The following UNC13C variants were observed in gnomAD, a reference collection of about 807,000 sequenced individuals.
UNC13C encodes the protein unc-13 homolog C, also known as protein unc-13 homolog C.
Under a neutral mutation model 245.4 loss-of-function variants are expected in UNC13C, and 174 were observed. The ratio of observed to expected loss-of-function variants is 0.71; its 90% CI spans 0.63 to 0.80. The LOEUF (loss-of-function observed/expected upper bound fraction) is 0.80. Among genes scored for constraint, UNC13C ranks in the 30% least tolerant of loss-of-function variants. The probability of loss-of-function intolerance (pLI) is 0.00; values close to 1 mark genes in which losing one functional copy is unlikely to be tolerated. For missense variants in UNC13C, 2,829 were observed against 2,602.9 expected, an observed-to-expected ratio of 1.09 and a Z score of -1.89; for synonymous variants, 992 against 895.1, an observed-to-expected ratio of 1.11 and a Z score of -1.93.
chr15:54,623,795 T>A lies in UNC13C; in HGVS notation c.6200T>A (p.Val2067Glu), dbSNP rs765882349. Residue 2067 changes from valine (V) to glutamate (E), a missense_variant and splice_region_variant, in exon 32 of 33, where the codon GTG becomes GAG. Physicochemically the swap from Val to Glu is moderately radical, Grantham distance 121. Transcript: ENST00000260323. ...AAATGTGATATTTCCTTTTTTTTAG[T>A]GATTGCTATTAATGACCTAAACTGG... ...GTGDHKVTVK[V>E]IAINDLNWQT... 4 of 1,608,152 alleles carry A rather than the reference T, an allele frequency of 2.5e-6. No homozygotes were observed. The South Asian group carries it at 4.4e-5, about 18-fold the overall frequency.
In UNC13C at chr15:54,564,754, C is replaced by T. The variant is rs146162311; in HGVS notation, c.5959-3046C>T. On this transcript the variant is annotated intron_variant, in intron 29 of 32. Transcript: ENST00000260323. ...ATAAACGATCACACAGATCTCTTTACCACAGTATGCCTCAGAGCCTCTACC... is the reference window on the plus strand; with the variant it reads ...ATAAACGATCACACAGATCTCTTTATCACAGTATGCCTCAGAGCCTCTACC... Among the ~76,000 whole-genome samples, 1,356 of 152,046 alleles carry T rather than the reference C, an allele frequency of 8.9e-3. 6 individuals are homozygous for T. Among genetic ancestry groups the T allele is most frequent in the Admixed American group, 0.015 (230 of 15,242 alleles).
chr15:54,512,234 G>T (rs1002432444), intron 24 of UNC13C: 6 of 425,432 alleles, frequency 1.4e-5, no homozygotes, highest in Admixed American at 2.6e-5. Context: ...GGTTTTTGAT[G>T]TACTGGAGTT....
chr15:54,133,873 T>G (rs1358764023), intron 2 of UNC13C, among the ~76,000 whole-genome samples: 1 of 152,200 alleles, frequency 6.6e-6, no homozygotes, highest in Non-Finnish European at 1.5e-5. Flanking sequence ...ATAGCCAAGA[T>G]TTTTGCCTAT....
In UNC13C at chr15:54,060,225, G is replaced by A. The variant is rs1228975146; in HGVS notation, c.2983+44339G>A. On this transcript the variant is annotated intron_variant, in intron 2 of 32. Transcript: ENST00000260323. ...ATTTTTGCAACCTACTCACCTGATAGAGGGCTAATATCCAGAATCTACAAT... is the reference window on the plus strand; with the variant it reads ...ATTTTTGCAACCTACTCACCTGATAAAGGGCTAATATCCAGAATCTACAAT... 3.9e-5 allele frequency among the ~76,000 whole-genome samples: 6 copies of A among 152,228 alleles called. No individual in the cohort carries two copies. The East Asian group carries it at 5.8e-4, about 15-fold the overall frequency.
intron 22 of UNC13C, among the ~76,000 whole-genome samples, chr15:54,501,936 T>G (rs1894236161): frequency 6.6e-6 from 1 of 152,152 alleles, no homozygotes; most frequent in Non-Finnish European, 1.5e-5. Context: ...ACCCCAGATC[T>G]TGAAGAACTT....
chr15:54,225,922 A>T (rs1215305355), intron 4 of UNC13C, among the ~76,000 whole-genome samples: 1 of 152,124 alleles, frequency 6.6e-6, no homozygotes, highest in Non-Finnish European at 1.5e-5. Context: ...TTGCCCATTC[A>T]GTATAATTTT....
intron 26 of UNC13C, among the ~76,000 whole-genome samples, chr15:54,534,933 C>T (rs1895924223): frequency 1.3e-5 from 2 of 152,122 alleles, no homozygotes; most frequent in African/African-American, 4.8e-5. Context: ...AATGAAAGAT[C>T]AATACCTGCC....
At chr15:54,182,875 A>G (rs2141306252) in intron 4 of UNC13C, among the ~76,000 whole-genome samples, 1 of 152,206 alleles carries the variant, frequency 6.6e-6, no homozygotes, top group African/African-American at 2.4e-5. Flanking sequence ...GAAATGATAT[A>G]CAGCCTATAA....
At chr15:54,495,074 A>G (rs1241481365) in intron 20 of UNC13C, among the ~76,000 whole-genome samples, 2 of 152,014 alleles carry the variant, frequency 1.3e-5, no homozygotes, top group Non-Finnish European at 2.9e-5. Context: ...TGACCTATAT[A>G]TTCAGATTTT....
intron 4 of UNC13C, among the ~76,000 whole-genome samples, chr15:54,170,299 A>G (rs1394224501): frequency 2.0e-5 from 3 of 152,154 alleles, no homozygotes; most frequent in African/African-American, 7.2e-5. Context: ...CAAAAATAAA[A>G]CTACAGGGCA....
chr15:54,280,826 C>G (rs2036975917), intron 10 of UNC13C, among the ~76,000 whole-genome samples: 1 of 150,610 alleles, frequency 6.6e-6, no homozygotes, highest in Non-Finnish European at 1.5e-5. Flanking sequence ...GTGACAGAGT[C>G]TCACTCTGTC....
chr15:54,451,262 G>A (rs1891158983), intron 19 of UNC13C, among the ~76,000 whole-genome samples: 1 of 152,154 alleles, frequency 6.6e-6, no homozygotes, highest in African/African-American at 2.4e-5. Flanking sequence ...TATTTATGAA[G>A]GGTAAATTTT....
intron 1 of UNC13C, among the ~76,000 whole-genome samples, chr15:54,002,608 A>G (rs533731670): frequency 6.6e-6 from 1 of 152,302 alleles, no homozygotes; most frequent in South Asian, 2.1e-4. Flanking sequence ...CAGCTAATGG[A>G]AGCTTTTGCT....
At position 54,196,264 on chromosome 15, in the gene UNC13C, A is replaced by T. The variant is rs149892907; in HGVS notation, c.3072-38766A>T. Among the ~76,000 whole-genome samples the T allele has an allele frequency of 4.3e-3, 652 of 152,244 alleles. 8 individuals are homozygous for T. Among genetic ancestry groups the T allele is most frequent in the African/African-American group, 0.015 (635 of 41,542 alleles). On this transcript the variant is annotated intron_variant, in intron 4 of 32. Coordinates refer to ENST00000260323, the MANE Select transcript of UNC13C (RefSeq NM_001080534.3). ...AAGTGGAAATGCAGAGAGACAAGCAAACAGCTGTCAACTGTTCTGGGGCAA... is the reference window on the plus strand; with the variant it reads ...AAGTGGAAATGCAGAGAGACAAGCATACAGCTGTCAACTGTTCTGGGGCAA...
chr15:54,416,738 A>G lies in UNC13C; in HGVS notation c.4933+1671A>G, dbSNP rs369776516. 5 of 327,324 alleles carry G rather than the reference A, an allele frequency of 1.5e-5. No homozygotes were observed. In the East Asian group the frequency reaches 2.5e-4, roughly 16 times the overall value. 20.3% of individuals were successfully genotyped at this position (327,324 alleles called of 1,614,324 possible). A position where few individuals can be genotyped will look rare whatever the true frequency, so the allele number is the denominator to read the frequency against. ...TTGAAAGTCTATCAGGCATCTGAAG[A>G]TTTTTAGGGTCTGTATAGATTCTTA... On this transcript the variant is annotated intron_variant, in intron 19 of 32. Coordinates refer to ENST00000260323, the MANE Select transcript of UNC13C (RefSeq NM_001080534.3).
At chr15:54,601,484 A>G (rs748174940) in intron 30 of UNC13C, among the ~76,000 whole-genome samples, 1 of 152,220 alleles carries the variant, frequency 6.6e-6, no homozygotes, top group Middle Eastern at 3.2e-3. Flanking sequence ...ATAGTTACCA[A>G]TACACAGAAG....
chr15:54,228,414 G>A (rs926986529), intron 4 of UNC13C, among the ~76,000 whole-genome samples: 4 of 151,890 alleles, frequency 2.6e-5, no homozygotes, highest in African/African-American at 9.7e-5. Context: ...CGTTTCTCAA[G>A]CAGAATGGGT....
intron 28 of UNC13C, among the ~76,000 whole-genome samples, chr15:54,552,714 A>T (rs1405596888): frequency 2.2e-5 from 2 of 89,646 alleles, no homozygotes; most frequent in African/African-American, 9.2e-5. Context: ...TAATTATATT[A>T]TATTGTACAA....
At chr15:53,911,053 G>A in the UNC13C span, 1 of 152,256 alleles carries the variant, frequency 6.6e-6, no homozygotes, top group South Asian at 2.1e-4. Context: ...TCTCCTGCAA[G>A]TGTGCGAGCA....
Sources: allele counts gnomAD v4.1 joint callset (sites outside exome capture counted in the v4.1 genomes callset), GRCh38; gene constraint gnomAD v4.1.1; transcripts MANE v1.5; gene names NCBI Gene and HGNC (gene_info 2026-07-23, HGNC 2026-07-21).